Variants in ZFHX3 observed in about 807,000 individuals in gnomAD.
The protein encoded by ZFHX3 is zinc finger homeobox 3, also known as zinc finger homeobox protein 3.
ZFHX3 carries 42 observed loss-of-function variants against 279.1 expected under a neutral mutation model. The observed-to-expected ratio is 0.15, with a 90% CI of 0.12 to 0.19. ZFHX3 has a LOEUF of 0.19. ZFHX3 is among the 10% of genes least tolerant of loss of function. The pLI is 1.00. For synonymous variants in ZFHX3, 2,293 were observed against 1,957.8 expected (o/e 1.17, Z -4.52); for missense variants, 4,981 against 4,754.0 (o/e 1.05, Z -1.40).
chr16:73,573,090 T>G (rs930846657), intron 2 of ZFHX3, among the ~76,000 whole-genome samples: 1 of 152,198 alleles, frequency 6.6e-6, no homozygotes, highest in Non-Finnish European at 1.5e-5. Context: ...ACAACACACC[T>G]GAGCCCAAGA....
intron 2 of ZFHX3, among the ~76,000 whole-genome samples, chr16:72,951,773 C>G (rs561271339): frequency 1.6e-4 from 24 of 152,340 alleles, no homozygotes; most frequent in African/African-American, 5.5e-4. Context: ...TGACTTTCTG[C>G]CACCTTGAGA....
At chr16:73,342,644 C>T (rs1451914937) in intron 3 of ZFHX3, among the ~76,000 whole-genome samples, 1 of 152,056 alleles carries the variant, frequency 6.6e-6, no homozygotes, top group Non-Finnish European at 1.5e-5. Context: ...CCTATTTTAA[C>T]AAAAGGAAAC....
rs1191535984 is a variant in ZFHX3, at chr16:73,047,577, C to A, written c.-50+175G>T. Among the ~76,000 whole-genome samples, 3 of 152,122 alleles carry A rather than the reference C, an allele frequency of 2.0e-5. No individual in the cohort carries two copies. The East Asian group carries it at 5.8e-4, about 29-fold the overall frequency. ...AGGAAGAGCTTTACTGTGTGCCCAG[C>A]AGAATTTAGGCGCTCTCACCCTAGG... On this transcript the variant is annotated intron_variant, in intron 1 of 9. Coordinates refer to ENST00000268489, the MANE Select transcript of ZFHX3 (RefSeq NM_006885.4).
intron 1 of ZFHX3, among the ~76,000 whole-genome samples, chr16:73,018,281 C>G (rs1964179359): frequency 6.7e-6 from 1 of 149,352 alleles, no homozygotes; most frequent in East Asian, 2.0e-4. Flanking sequence ...CGTGAGCATA[C>G]ACGCCTGGCC....
intron 2 of ZFHX3, among the ~76,000 whole-genome samples, chr16:73,592,752 T>TA (rs1212898799): frequency 1.3e-5 from 2 of 151,470 alleles, no homozygotes; most frequent in Non-Finnish European, 2.9e-5. Context: ...TTTTTTTAAA[T>TA]AGAGACAAAT....
At chr16:73,397,894 G>C (rs886282778) in intron 3 of ZFHX3, among the ~76,000 whole-genome samples, 10 of 152,154 alleles carry the variant, frequency 6.6e-5, no homozygotes, top group Non-Finnish European at 1.5e-4. Flanking sequence ...ACCCAGGCTG[G>C]AGTGCAATGG....
At chr16:73,260,276 C>T (rs74030019) in intron 4 of ZFHX3, among the ~76,000 whole-genome samples, 1,825 of 152,164 alleles carry the variant, frequency 0.012, 28 homozygotes, top group African/African-American at 0.032. Flanking sequence ...GATGCCATTT[C>T]GATTGCTTGG....
At chr16:73,638,441 T>G (rs1234058209) in intron 2 of ZFHX3, among the ~76,000 whole-genome samples, 1 of 152,164 alleles carries the variant, frequency 6.6e-6, no homozygotes, top group Non-Finnish European at 1.5e-5. Flanking sequence ...TTTTCAATAT[T>G]TAGACATACA....
intron 2 of ZFHX3, among the ~76,000 whole-genome samples, chr16:73,585,466 G>C (rs921111343): frequency 1.7e-4 from 26 of 152,234 alleles, no homozygotes; most frequent in East Asian, 7.7e-4. Flanking sequence ...GGGGCAGGGA[G>C]AGCATAAAAG....
intron 3 of ZFHX3, among the ~76,000 whole-genome samples, chr16:73,326,152 T>C (rs576051721): frequency 1.7e-4 from 26 of 152,236 alleles, no homozygotes; most frequent in Non-Finnish European, 3.5e-4. Flanking sequence ...GTCTGCAGTA[T>C]TGACAAAATA....
At chr16:73,857,419 G>A (rs144187297) in intron 1 of ZFHX3, among the ~76,000 whole-genome samples, 1 of 152,172 alleles carries the variant, frequency 6.6e-6, no homozygotes, top group African/African-American at 2.4e-5. Context: ...TTTGGTAGGA[G>A]GGACACATCC....
intron 1 of ZFHX3, among the ~76,000 whole-genome samples, chr16:73,834,883 C>T (rs888349378): frequency 7.4e-5 from 11 of 148,206 alleles, no homozygotes; most frequent in African/African-American, 2.2e-4. Context: ...TACGAGACTT[C>T]GTCTCAAAAA....
rs564097625 is a variant in ZFHX3 at position 73,088,644 on chromosome 16, C to T, written c.-533+4591G>A. Reference sequence around the variant, plus strand: ...CAAGTTTTTGGGGATCAGGTAGGTACGGCAGGTCACAGTAGGTAGTGAGGG... The same window carrying T: ...CAAGTTTTTGGGGATCAGGTAGGTATGGCAGGTCACAGTAGGTAGTGAGGG... On this transcript the variant is annotated intron_variant, in intron 8 of 17. Coordinates refer to the ZFHX3 transcript ENST00000641206. Among the ~76,000 whole-genome samples, 53 of 152,184 alleles carry T rather than the reference C, an allele frequency of 3.5e-4. 1 individual carries two copies. The highest frequency in any genetic ancestry group is 3.3e-4 in the Admixed American group (5 of 15,282).
At chr16:73,688,973 T>C (rs1259073310) in intron 1 of ZFHX3, among the ~76,000 whole-genome samples, 1 of 152,188 alleles carries the variant, frequency 6.6e-6, no homozygotes, top group South Asian at 2.1e-4. Context: ...GTGAGTCCAT[T>C]AAGCCTCTTT....
intron 2 of ZFHX3, among the ~76,000 whole-genome samples, chr16:73,486,255 T>C (rs1017363258): frequency 1.3e-5 from 2 of 152,214 alleles, no homozygotes; most frequent in Non-Finnish European, 2.9e-5. Context: ...CTTTACTTCA[T>C]CCTCTTCATT....
In ZFHX3 at chr16:73,838,228, C is replaced by T. The variant is rs554960994; in HGVS notation, c.-1608+53423G>A. 2.1e-3 allele frequency among the ~76,000 whole-genome samples: 323 copies of T among 152,306 alleles called. 3 individuals are homozygous for T. The highest frequency in any genetic ancestry group is 3.2e-3 in the Non-Finnish European group (219 of 68,018). On this transcript the variant is annotated intron_variant, in intron 1 of 17. Transcript: ENST00000641206. Reference sequence around the variant, plus strand: ...CTGTTAGGACTTACATGTTGCTTTTCCTGTTTTGGGATGCTGTGGCCAGAG... The same window carrying T: ...CTGTTAGGACTTACATGTTGCTTTTTCTGTTTTGGGATGCTGTGGCCAGAG...
At chr16:73,545,551 G>C (rs1331221505) in intron 2 of ZFHX3, among the ~76,000 whole-genome samples, 1 of 152,104 alleles carries the variant, frequency 6.6e-6, no homozygotes, top group Non-Finnish European at 1.5e-5. Context: ...TGGCCGCACA[G>C]CCTCTGAAGT....
chr16:72,930,666 A>G (rs80034230), intron 3 of ZFHX3, among the ~76,000 whole-genome samples: 6,191 of 152,334 alleles, frequency 0.041, 298 homozygotes, highest in African/African-American at 0.1. Context: ...CACTGCCAAT[A>G]GTGAATAACA....
At chr16:73,481,328 CAA>C (rs71374570) in intron 2 of ZFHX3, among the ~76,000 whole-genome samples, 5 of 138,980 alleles carry the variant, frequency 3.6e-5, no homozygotes, top group Admixed American at 1.5e-4. Context: ...GACTCCATCT[CAA>C]AAAAAAAAAA....
Sources: allele counts gnomAD v4.1 joint callset (sites outside exome capture counted in the v4.1 genomes callset), GRCh38; gene constraint gnomAD v4.1.1; transcripts MANE v1.5; gene names NCBI Gene and HGNC (gene_info 2026-07-23, HGNC 2026-07-21).